MAML2: variants seen among roughly 807,000 people sequenced by gnomAD.
MAML2 encodes mastermind like transcriptional coactivator 2, also known as mastermind-like protein 2.
A neutral mutation model predicts 96.1 loss-of-function variants in MAML2; 22 were observed. The ratio of observed to expected loss-of-function variants is 0.23; its 90% CI spans 0.16 to 0.33. The LOEUF (loss-of-function observed/expected upper bound fraction) is 0.33. Among genes scored for constraint, MAML2 ranks in the 10% least tolerant of loss-of-function variants. MAML2 has a pLI of 1.00. For synonymous variants in MAML2, 561 were observed against 521.3 expected, an observed-to-expected ratio of 1.08 and a Z score of -1.04; for missense variants, 1,367 against 1,392.4, an observed-to-expected ratio of 0.98 and a Z score of 0.29.
At chr11:96,195,116 A>T (rs975988847) in intron 1 of MAML2, among the ~76,000 whole-genome samples, 2 of 152,248 alleles carry the variant, frequency 1.3e-5, no homozygotes, top group Admixed American at 6.5e-5. Flanking sequence ...TACCTCAGTC[A>T]TAGGCTTTCT....
chr11:96,091,597 T>C (rs7108260), intron 2 of MAML2, among the ~76,000 whole-genome samples: 85,315 of 151,526 alleles, frequency 0.56, 24,890 homozygotes, highest in African/African-American at 0.66. Flanking sequence ...GACCATCTGA[T>C]TGACAACTGG....
At chr11:96,308,556 T>C (rs1205340510) in intron 1 of MAML2, among the ~76,000 whole-genome samples, 1 of 152,234 alleles carries the variant, frequency 6.6e-6, no homozygotes, top group Non-Finnish European at 1.5e-5. Context: ...GCAATTTTTA[T>C]CAGTAAGAAA....
At chr11:96,050,385 T>C (rs1005422652) in intron 2 of MAML2, among the ~76,000 whole-genome samples, 2 of 152,210 alleles carry the variant, frequency 1.3e-5, no homozygotes, top group African/African-American at 4.8e-5. Flanking sequence ...TATTCCACTC[T>C]GGGACATATT....
In MAML2 at chr11:96,100,717, C is replaced by T. The variant is rs562981783; in HGVS notation, c.514-7200G>A. On this transcript the variant is annotated intron_variant, in intron 1 of 4. Coordinates refer to ENST00000524717, the MANE Select transcript of MAML2 (RefSeq NM_032427.4). ...AAGGTTTGGACCCTGAGAAATGTTA[C>T]TAGTTTAGTCAAAATAGCTTTTTTT... Among the ~76,000 whole-genome samples, 6 of 147,812 alleles carry T rather than the reference C, an allele frequency of 4.1e-5. No individual in the cohort carries two copies. In the South Asian group the frequency reaches 1.1e-3, roughly 27 times the overall value.
At chr11:96,001,401 T>G (rs578076683) in intron 2 of MAML2, among the ~76,000 whole-genome samples, 1 of 152,274 alleles carries the variant, frequency 6.6e-6, no homozygotes, top group Non-Finnish European at 1.5e-5. Flanking sequence ...TTGTGGCAGA[T>G]TTCAAATTTC....
At chr11:96,056,355 T>G (rs1025315442) in intron 2 of MAML2, among the ~76,000 whole-genome samples, 2 of 149,844 alleles carry the variant, frequency 1.3e-5, no homozygotes, top group Non-Finnish European at 3.0e-5. Flanking sequence ...GGGTCACATG[T>G]TCTCTCTTTT....
rs548569988 is a variant in MAML2, at chr11:96,173,912, G to A, written c.514-80395C>T. ...TATTTTTCAGAAGTATGGCCATTTTGTCACCTGTTTCTCTTCAGGACAAGG... is the reference window on the plus strand; with the variant it reads ...TATTTTTCAGAAGTATGGCCATTTTATCACCTGTTTCTCTTCAGGACAAGG... On this transcript the variant is annotated intron_variant, in intron 1 of 4. Coordinates refer to ENST00000524717, the MANE Select transcript of MAML2 (RefSeq NM_032427.4). Among the ~76,000 whole-genome samples, 4 of 152,318 alleles carry A rather than the reference G, an allele frequency of 2.6e-5. No individual in the cohort carries two copies. The South Asian group carries it at 8.3e-4, about 32-fold the overall frequency.
chr11:96,294,151 C>G (rs987287012), intron 1 of MAML2, among the ~76,000 whole-genome samples: 3 of 151,992 alleles, frequency 2.0e-5, no homozygotes, highest in Non-Finnish European at 4.4e-5. Context: ...CAGTTCTGTC[C>G]CCTAAAAAAT....
chr11:96,080,138 A>AAAT (rs1363555362), intron 2 of MAML2, among the ~76,000 whole-genome samples: 1 of 152,226 alleles, frequency 6.6e-6, no homozygotes, highest in African/African-American at 2.4e-5. Context: ...ACACTTATCT[A>AAAT]AATTTTTTAT....
intron 1 of MAML2, among the ~76,000 whole-genome samples, chr11:96,338,901 T>A (rs1359059217): frequency 6.6e-6 from 1 of 152,144 alleles, no homozygotes; most frequent in Non-Finnish European, 1.5e-5. Flanking sequence ...GACCTGCCAA[T>A]GTAATGGGCT....
intron 1 of MAML2, among the ~76,000 whole-genome samples, chr11:96,307,443 T>G (rs868272336): frequency 6.6e-6 from 1 of 152,208 alleles, no homozygotes; most frequent in Admixed American, 6.5e-5. Context: ...TAATGTGCCT[T>G]GCTGCCCTGA....
intron 1 of MAML2, among the ~76,000 whole-genome samples, chr11:96,324,897 C>T (rs1441840051): frequency 1.3e-5 from 2 of 152,206 alleles, no homozygotes; most frequent in African/African-American, 4.8e-5. Flanking sequence ...CCTCGCTCCT[C>T]AGACTTGCTG....
At chr11:96,034,463 G>GTGTT (rs1187651841) in intron 2 of MAML2, among the ~76,000 whole-genome samples, 1 of 151,570 alleles carries the variant, frequency 6.6e-6, no homozygotes, top group African/African-American at 2.4e-5. Context: ...GAGAGTGTGT[G>GTGTT]TGTGTGTGTG....
At chr11:96,063,511 A>C (rs1240803649) in intron 2 of MAML2, among the ~76,000 whole-genome samples, 1 of 152,220 alleles carries the variant, frequency 6.6e-6, no homozygotes, top group African/African-American at 2.4e-5. Context: ...AGTAGTAACT[A>C]TGTATCGATG....
At chr11:96,239,551 C>A (rs2135959639) in intron 1 of MAML2, among the ~76,000 whole-genome samples, 1 of 132,662 alleles carries the variant, frequency 7.5e-6, no homozygotes, top group Non-Finnish European at 1.6e-5. Context: ...TTCTAAATTA[C>A]TGTGAATTGA....
intron 2 of MAML2, among the ~76,000 whole-genome samples, chr11:96,004,073 T>C (rs185296650): frequency 2.6e-3 from 399 of 152,288 alleles, no homozygotes; most frequent in African/African-American, 8.5e-3. Flanking sequence ...CTTTTCTCTT[T>C]GGTAGGCTGT....
At chr11:96,327,497 G>A (rs1278441778) in intron 1 of MAML2, among the ~76,000 whole-genome samples, 2 of 151,940 alleles carry the variant, frequency 1.3e-5, no homozygotes, top group South Asian at 2.1e-4. Context: ...GCACAATCTC[G>A]GCTCACGGCA....
At chr11:96,068,624 C>G (rs531436899) in intron 2 of MAML2, among the ~76,000 whole-genome samples, 2 of 152,004 alleles carry the variant, frequency 1.3e-5, no homozygotes, top group East Asian at 3.9e-4. Flanking sequence ...GTCAGGAGAT[C>G]GAGACCATCC....
At chr11:96,223,707 T>C (rs1292599474) in intron 1 of MAML2, among the ~76,000 whole-genome samples, 2 of 152,120 alleles carry the variant, frequency 1.3e-5, no homozygotes, top group Non-Finnish European at 2.9e-5. Flanking sequence ...TTTTTTCGGA[T>C]CCTCTCTCCG....
Sources: allele counts gnomAD v4.1 joint callset (sites outside exome capture counted in the v4.1 genomes callset), GRCh38; gene constraint gnomAD v4.1.1; transcripts MANE v1.5; gene names NCBI Gene and HGNC (gene_info 2026-07-23, HGNC 2026-07-21).